MRTFA: variants seen among roughly 807,000 people sequenced by gnomAD.
MRTFA encodes myocardin related transcription factor A, also known as myocardin-related transcription factor A.
In MRTFA, 20 loss-of-function variants were observed where a neutral mutation model predicts 83.5. That is an observed-to-expected ratio of 0.24 (90% CI 0.17 to 0.35). The LOEUF is 0.35. Among genes scored for constraint, MRTFA ranks in the 10% least tolerant of loss-of-function variants. The pLI is 1.00. For synonymous variants in MRTFA, 659 were observed against 541.2 expected (o/e 1.22, Z -3.02); for missense variants, 1,200 against 1,224.7 (o/e 0.98, Z 0.30).
rs778138414 is a variant in MRTFA at position 40,429,775 on chromosome 22, T to A, written c.440-8A>T. On this transcript the variant is annotated splice_polypyrimidine_tract_variant and splice_region_variant and intron_variant, in intron 6 of 14. Coordinates refer to ENST00000355630, the MANE Select transcript of MRTFA (RefSeq NM_020831.6). ...ATGGCTCAGCCGAGGTCTCTGCCCA[T>A]GGGAGAGAAAGGGGTGCAGGAAGAT... is the stretch of plus-strand genomic sequence containing the variant. 6.2e-7 allele frequency: 1 copy of A among 1,605,150 alleles called. No individual in the cohort carries two copies. The highest frequency in any genetic ancestry group is 1.7e-5 in the Admixed American group (1 of 59,352).
chr22:40,569,341 C>A (rs1018344393), intron 2 of MRTFA: 8 of 216,402 alleles, frequency 3.7e-5, no homozygotes, highest in Non-Finnish European at 8.2e-5. Context: ...CCCCTTTTGA[C>A]AGGCGCTTCC....
At chr22:40,581,831 A>G (rs2055951425) in intron 2 of MRTFA, among the ~76,000 whole-genome samples, 1 of 152,174 alleles carries the variant, frequency 6.6e-6, no homozygotes, top group South Asian at 2.1e-4. Context: ...ATGTATCAGA[A>G]TTTCATATAG....
chr22:40,565,588 C>T (rs2055691279), intron 2 of MRTFA, among the ~76,000 whole-genome samples: 1 of 152,120 alleles, frequency 6.6e-6, no homozygotes. Context: ...GTAGACCTGA[C>T]TTTCATTAAT....
At chr22:40,588,966 G>C (rs1304724085) in intron 2 of MRTFA, among the ~76,000 whole-genome samples, 1 of 152,140 alleles carries the variant, frequency 6.6e-6, no homozygotes, top group Non-Finnish European at 1.5e-5. Flanking sequence ...TGGGGCAATA[G>C]AGTAAGACCT....
At chr22:40,532,522 T>A (rs371732339) in intron 3 of MRTFA, among the ~76,000 whole-genome samples, 1 of 152,312 alleles carries the variant, frequency 6.6e-6, no homozygotes, top group Non-Finnish European at 1.5e-5. Context: ...CTGAAACACA[T>A]AGCCTATATG....
chr22:40,486,700 A>T (rs924369844), intron 3 of MRTFA, among the ~76,000 whole-genome samples: 3 of 152,250 alleles, frequency 2.0e-5, no homozygotes, highest in African/African-American at 7.2e-5. Flanking sequence ...TAAGAAGGGT[A>T]CAGGGAGCCG....
At chr22:40,442,991 T>C (rs899739021) in intron 4 of MRTFA, among the ~76,000 whole-genome samples, 2 of 152,184 alleles carry the variant, frequency 1.3e-5, no homozygotes, top group Non-Finnish European at 2.9e-5. Flanking sequence ...GGCTCACACC[T>C]GTAATCCCAG....
In MRTFA at chr22:40,411,682, T is replaced by A; in HGVS notation, c.2804A>T (p.Glu935Val). ...GAGGTCGTCAATGAGGGAAAGGGGC[T>A]CTGGCCCGTCATGCCCACTGGTCAG... Residue 935 changes from glutamate to valine, a missense_variant, in exon 15 of 15, where the codon GAG (glutamate) becomes GTG (valine). By Grantham distance (121) the Glu-to-Val change is moderately radical. Coordinates refer to ENST00000355630, the MANE Select transcript of MRTFA (RefSeq NM_020831.6). 1 of 1,603,994 alleles carries A rather than the reference T, an allele frequency of 6.2e-7. No individual in the cohort carries two copies. Among genetic ancestry groups the A allele is most frequent in the East Asian group, 2.2e-5 (1 of 44,702 alleles).
intron 3 of MRTFA, among the ~76,000 whole-genome samples, chr22:40,529,431 C>T (rs2055036989): frequency 6.6e-6 from 1 of 152,120 alleles, no homozygotes; most frequent in Admixed American, 6.6e-5. Flanking sequence ...ATTCCCCTGC[C>T]TCAGCTTCCC....
At chr22:40,474,521 A>G (rs979772087) in intron 3 of MRTFA, among the ~76,000 whole-genome samples, 2 of 152,218 alleles carry the variant, frequency 1.3e-5, no homozygotes, top group Non-Finnish European at 2.9e-5. Context: ...TCTAGAGTTC[A>G]TGTACTAGTT....
chr22:40,536,331 C>T (rs1447595150), intron 3 of MRTFA, among the ~76,000 whole-genome samples: 11 of 150,638 alleles, frequency 7.3e-5, no homozygotes, highest in Non-Finnish European at 1.5e-4. Flanking sequence ...CCGAAGCCGC[C>T]GCCGCCCGAC....
At chr22:40,446,174 T>C (rs1348747905) in intron 4 of MRTFA, among the ~76,000 whole-genome samples, 2 of 152,248 alleles carry the variant, frequency 1.3e-5, no homozygotes, top group Non-Finnish European at 2.9e-5. Context: ...TGGGGTATCA[T>C]TTTGATGCCA....
At chr22:40,618,992 A>ATATATAT (rs1556027992) in intron 1 of MRTFA, among the ~76,000 whole-genome samples, 1 of 149,050 alleles carries the variant, frequency 6.7e-6, no homozygotes, top group South Asian at 2.1e-4. Context: ...AATAATTAAA[A>ATATATAT]ATATATATAT....
Position 40,411,195 on chromosome 22 carries a change from T to C in MRTFA, c.*195A>G, listed in dbSNP as rs2052522203. The C allele has an allele frequency of 4.0e-6, 2 of 501,488 alleles. No individual in the cohort carries two copies. The highest frequency in any genetic ancestry group is 6.7e-6 in the Non-Finnish European group (2 of 299,676). 31.1% of individuals were successfully genotyped at this position (501,488 alleles called of 1,614,324 possible). A position where few individuals can be genotyped will look rare whatever the true frequency, so the allele number is the denominator to read the frequency against. On this transcript the variant is annotated 3_prime_UTR_variant, in exon 15 of 15. Coordinates refer to ENST00000355630, the MANE Select transcript of MRTFA (RefSeq NM_020831.6). ...AGAGCCAGGGCTGCTTCTTGACAGC[T>C]GCTCTCCTCTGCCCTGCGTGGCACT...
Position 40,459,820 on chromosome 22 carries a change from C to CATATAT in MRTFA, c.307+3400_307+3401insATATAT, listed in dbSNP as rs1193249162. Among the ~76,000 whole-genome samples the CATATAT allele has an allele frequency of 8.4e-3, 692 of 82,604 alleles. 4 individuals carry two copies. The highest frequency in any genetic ancestry group is 0.018 in the African/African-American group (321 of 17,830). The allele number at this position is 82,604 out of a possible 152,430, so 54.2% of individuals were successfully genotyped here. ...ACACACACACACACACACACACACACACATATATACATATATATATATATA... is the reference window on the plus strand; with the variant it reads ...ACACACACACACACACACACACACACATATATACATATATACATATATATATATATA... On this transcript the variant is annotated intron_variant, in intron 4 of 14. Coordinates refer to ENST00000355630, the MANE Select transcript of MRTFA (RefSeq NM_020831.6).
chr22:40,580,153 AT>A (rs1483909083), intron 2 of MRTFA, among the ~76,000 whole-genome samples: 2 of 152,196 alleles, frequency 1.3e-5, no homozygotes, highest in African/African-American at 4.8e-5. Context: ...TGTAAAAAAA[AT>A]ATGTAAGCCC....
chr22:40,441,818 G>A (rs12170360), intron 4 of MRTFA, among the ~76,000 whole-genome samples: 79,240 of 137,844 alleles, frequency 0.57, 22,467 homozygotes, highest in African/African-American at 0.74. Flanking sequence ...GTATGTATGT[G>A]TATATATATA....
At chr22:40,555,021 C>T (rs1287386269) in intron 2 of MRTFA, among the ~76,000 whole-genome samples, 1 of 152,166 alleles carries the variant, frequency 6.6e-6, no homozygotes, top group Non-Finnish European at 1.5e-5. Flanking sequence ...CAAATTTCTC[C>T]CTTTTGGAAT....
intron 3 of MRTFA, among the ~76,000 whole-genome samples, chr22:40,476,772 C>T (rs2054004275): frequency 1.3e-5 from 2 of 152,132 alleles, no homozygotes; most frequent in Admixed American, 1.3e-4. Flanking sequence ...TTCTCTTGTC[C>T]TTTTCATGAT....
Sources: allele counts gnomAD v4.1 joint callset (sites outside exome capture counted in the v4.1 genomes callset), GRCh38; gene constraint gnomAD v4.1.1; transcripts MANE v1.5; gene names NCBI Gene and HGNC (gene_info 2026-07-23, HGNC 2026-07-21).